ZFYVE16: variants seen among roughly 807,000 people sequenced by gnomAD.
ZFYVE16 encodes zinc finger FYVE domain-containing protein 16.
ZFYVE16 carries 89 observed loss-of-function variants against 138.1 expected under a neutral mutation model. The ratio of observed to expected loss-of-function variants is 0.64; its 90% CI spans 0.54 to 0.77. The LOEUF (loss-of-function observed/expected upper bound fraction) is 0.77, where lower values mean the gene tolerates loss of function less well. Among genes scored for constraint, ZFYVE16 ranks in the 30% least tolerant of loss-of-function variants. The pLI is 0.00. For missense variants in ZFYVE16, 1,793 were observed against 1,786.7 expected (o/e 1.00, Z -0.06); for synonymous variants, 596 against 618.3 (o/e 0.96, Z 0.53).
intron 17 of ZFYVE16, among the ~76,000 whole-genome samples, 187 bp from the exon 18 acceptor site, chr5:80,474,476 A>G (rs941243036): frequency 1.3e-5 from 2 of 152,204 alleles, no homozygotes; most frequent in African/African-American, 4.8e-5. Context: ...AGACATTTCC[A>G]TATTTACCAT....
intron 18 of ZFYVE16, 112 bp from the exon 19 acceptor site, chr5:80,477,107 T>C (rs1754988715): frequency 8.1e-6 from 7 of 862,686 alleles, no homozygotes; most frequent in Non-Finnish European, 1.0e-5. Flanking sequence ...ATATCAAATA[T>C]TTTATTTAAC....
intron 7 of ZFYVE16, among the ~76,000 whole-genome samples, chr5:80,447,076 C>T (rs1561294132): frequency 6.6e-6 from 1 of 151,894 alleles, no homozygotes; most frequent in Non-Finnish European, 1.5e-5. Flanking sequence ...GCCTGACCAA[C>T]ATGGCAAAAC....
intron 15 of ZFYVE16, among the ~76,000 whole-genome samples, chr5:80,461,419 A>T (rs1753095752): frequency 6.6e-6 from 1 of 152,200 alleles, no homozygotes; most frequent in Non-Finnish European, 1.5e-5. Context: ...GCAAATAATT[A>T]TGTCTACTCT....
At chr5:80,441,747 T>TTA (rs1750734294) in intron 5 of ZFYVE16, 1 of 985,262 alleles carries the variant, frequency 1.0e-6, no homozygotes, top group Non-Finnish European at 1.2e-6. Flanking sequence ...CAGAGTAAAG[T>TTA]GTTTGGATTT....
intron 15 of ZFYVE16, among the ~76,000 whole-genome samples, chr5:80,468,490 C>T (rs1561330132): frequency 6.6e-6 from 1 of 152,122 alleles, no homozygotes; most frequent in Non-Finnish European, 1.5e-5. Flanking sequence ...AATATGATGG[C>T]ATTTGTGTAT....
At chr5:80,470,101 A>G (rs202160407) in intron 15 of ZFYVE16, among the ~76,000 whole-genome samples, 152 of 108,440 alleles carry the variant, frequency 1.4e-3, no homozygotes, top group African/African-American at 4.7e-3. Context: ...GTGTGTGTGT[A>G]TTTTTTTTTT....
intron 1 of ZFYVE16, among the ~76,000 whole-genome samples, chr5:80,426,201 G>GGTGTGTGTGTGTGTGTGTGTGTGGT (rs1747973405): frequency 7.2e-6 from 1 of 139,644 alleles, no homozygotes; most frequent in Non-Finnish European, 1.5e-5. Flanking sequence ...GTGTGTGTGT[G>GGTGTGTGTGTGTGTGTGTGTGTGGT]GTGTGTGTGT....
At chr5:80,459,361 G>A in intron 14 of ZFYVE16, 53 bp from the exon 15 acceptor site, 1 of 1,502,908 alleles carries the variant, frequency 6.7e-7, no homozygotes, top group South Asian at 1.2e-5. Context: ...TAACAAATGT[G>A]TAACATAAAA....
In ZFYVE16 at chr5:80,432,439, G is replaced by A. The variant is rs200677659; in HGVS notation, c.-39-1670G>A. On this transcript the variant is annotated intron_variant, in intron 2 of 18. Coordinates refer to ENST00000505560, the MANE Select transcript of ZFYVE16 (RefSeq NM_001284236.3). ...ACACCTTATATGAAAATTAATTCAAGATGGGTTAAAGACTTAAATGTTAGA... is the reference window on the plus strand; with the variant it reads ...ACACCTTATATGAAAATTAATTCAAAATGGGTTAAAGACTTAAATGTTAGA... Among the ~76,000 whole-genome samples the A allele has an allele frequency of 1.7e-3, 261 of 152,290 alleles. 8 individuals carry two copies. In the East Asian group the frequency reaches 0.047, roughly 28 times the overall value.
At chr5:80,426,364 G>T (rs745796367) in intron 1 of ZFYVE16, among the ~76,000 whole-genome samples, 1 of 151,490 alleles carries the variant, frequency 6.6e-6, no homozygotes, top group African/African-American at 2.4e-5. Context: ...CGTGTGCCAC[G>T]GTGGTTTGCT....
At chr5:80,456,303 A>T in intron 12 of ZFYVE16, 158 bp from the exon 13 acceptor site, 2 of 535,148 alleles carry the variant, frequency 3.7e-6, no homozygotes. Context: ...CTATTTTGGA[A>T]GTTCTGTAAC....
intron 1 of ZFYVE16, among the ~76,000 whole-genome samples, chr5:80,420,025 TG>T (rs1346559194): frequency 1.1e-4 from 17 of 151,522 alleles, no homozygotes; most frequent in Non-Finnish European, 1.9e-4. Flanking sequence ...TTGGTCAAGC[TG>T]GTCTTGAACT....
intron 11 of ZFYVE16, chr5:80,455,222 G>C (rs1752399526): frequency 5.7e-6 from 1 of 175,496 alleles, no homozygotes; most frequent in African/African-American, 2.4e-5. Flanking sequence ...TAGATACATA[G>C]ATACACAGTA....
intron 3 of ZFYVE16, among the ~76,000 whole-genome samples, chr5:80,434,483 CTTTTT>C (rs1323529657): frequency 1.3e-5 from 2 of 152,004 alleles, no homozygotes; most frequent in African/African-American, 4.8e-5. Context: ...CTTTTCTTTT[CTTTTT>C]ATTTTTGAGA....
At chr5:80,464,744 C>T (rs188556974) in intron 15 of ZFYVE16, among the ~76,000 whole-genome samples, 77 of 151,826 alleles carry the variant, frequency 5.1e-4, no homozygotes, top group Non-Finnish European at 8.4e-4. Flanking sequence ...CTGTTCCTTC[C>T]CTACTGTGTT....
chr5:80,459,696 A>G (rs895551254), intron 15 of ZFYVE16, among the ~76,000 whole-genome samples: 6 of 152,228 alleles, frequency 3.9e-5, no homozygotes, highest in African/African-American at 1.2e-4. Flanking sequence ...AGTAGACTGA[A>G]TATGGTGTTT....
chr5:80,430,403 C>T (rs1748823775), intron 2 of ZFYVE16, among the ~76,000 whole-genome samples: 2 of 151,718 alleles, frequency 1.3e-5, no homozygotes, highest in African/African-American at 4.8e-5. Flanking sequence ...AGAACAAAGA[C>T]ACAACATACC....
chr5:80,471,086 G>A (rs1754325241), intron 15 of ZFYVE16, among the ~76,000 whole-genome samples: 1 of 152,124 alleles, frequency 6.6e-6, no homozygotes, highest in African/African-American at 2.4e-5. Context: ...TCATAGCTCT[G>A]GGAATGGAAT....
intron 18 of ZFYVE16, among the ~76,000 whole-genome samples, chr5:80,476,900 C>T (rs1754962847): frequency 6.6e-6 from 1 of 151,714 alleles, no homozygotes; most frequent in Admixed American, 6.6e-5. Context: ...TTTTTAATAC[C>T]ATGGGGTTTT....
Sources: gnomAD v4.1 joint callset for allele counts (sites outside exome capture counted in the v4.1 genomes callset) on GRCh38, gnomAD v4.1.1 for gene constraint, MANE v1.5 for transcripts, NCBI Gene and HGNC (gene_info 2026-07-23, HGNC 2026-07-21) for gene names.